The following LRP1B variants were observed in gnomAD, a reference collection of about 807,000 sequenced individuals.
The protein encoded by LRP1B is LDL receptor related protein 1B.
Under a neutral mutation model 556.6 loss-of-function variants are expected in LRP1B, and 217 were observed. That is an observed-to-expected ratio of 0.39 (90% CI 0.35 to 0.44). The LOEUF (loss-of-function observed/expected upper bound fraction) is 0.44. Among genes scored for constraint, LRP1B ranks in the 20% least tolerant of loss-of-function variants. The probability of loss-of-function intolerance (pLI) is 1.00; values close to 1 mark genes in which losing one functional copy is unlikely to be tolerated. For synonymous variants in LRP1B, 2,047 were observed against 1,865.8 expected (o/e 1.10, Z -2.50); for missense variants, 5,053 against 5,620.8 (o/e 0.90, Z 3.23).
At chr2:140,410,354 T>A (rs182112950) in intron 66 of LRP1B, among the ~76,000 whole-genome samples, 1 of 152,236 alleles carries the variant, frequency 6.6e-6, no homozygotes, top group Non-Finnish European at 1.5e-5. Flanking sequence ...TATTGATTTT[T>A]TTTTTTAGGA....
chr2:140,270,436 TTCA>T (rs1329744999), intron 85 of LRP1B, 90 bp from the exon 86 acceptor site: 2 of 857,632 alleles, frequency 2.3e-6, no homozygotes, highest in African/African-American at 1.7e-5. Context: ...GATGAGAATA[TTCA>T]TCATATAGGA....
In LRP1B at chr2:140,563,029, T is replaced by C. The variant is rs78000850; in HGVS notation, c.7195-21058A>G. On this transcript the variant is annotated intron_variant, in intron 43 of 90. Transcript: ENST00000389484. ...ATAACAATTCTAGGGTATAAGATGG[T>C]ACATATTTTTAATACCAGGAAACTG... 6.0e-3 allele frequency among the ~76,000 whole-genome samples: 920 copies of C among 152,286 alleles called. 8 individuals carry two copies. The highest frequency in any genetic ancestry group is 0.034 in the East Asian group (175 of 5,182).
intron 84 of LRP1B, among the ~76,000 whole-genome samples, chr2:140,288,412 A>T (rs981689817): frequency 6.6e-6 from 1 of 151,716 alleles, no homozygotes; most frequent in Non-Finnish European, 1.5e-5. Flanking sequence ...CTGACTCAGC[A>T]TTTTTTCAAA....
At chr2:140,608,998 A>G (rs1262179929) in intron 41 of LRP1B, among the ~76,000 whole-genome samples, 1 of 152,208 alleles carries the variant, frequency 6.6e-6, no homozygotes, top group Non-Finnish European at 1.5e-5. Flanking sequence ...CTGGAAGGAA[A>G]GTAATACAAG....
intron 2 of LRP1B, among the ~76,000 whole-genome samples, chr2:141,800,219 A>T (rs938863445): frequency 3.9e-5 from 6 of 152,150 alleles, no homozygotes; most frequent in Non-Finnish European, 7.3e-5. Context: ...GGTTGACTTG[A>T]GTGCAATGTG....
At chr2:141,965,798 CAAA>C (rs201872645) in intron 1 of LRP1B, among the ~76,000 whole-genome samples, 2 of 98,622 alleles carry the variant, frequency 2.0e-5, no homozygotes, top group Non-Finnish European at 4.2e-5. Context: ...AATATGTATC[CAAA>C]AAAAAAAAAA....
intron 3 of LRP1B, among the ~76,000 whole-genome samples, chr2:141,426,567 G>T (rs910134832): frequency 7.5e-6 from 1 of 132,584 alleles, no homozygotes; most frequent in African/African-American, 2.7e-5. Flanking sequence ...AGATCCACCT[G>T]AATATTTGAT....
chr2:141,353,174 T>C (rs910195223), intron 3 of LRP1B, among the ~76,000 whole-genome samples: 1 of 151,996 alleles, frequency 6.6e-6, no homozygotes, highest in Admixed American at 6.6e-5. Flanking sequence ...GTTGGGGTCA[T>C]AGGACTGGGT....
At chr2:140,985,263 G>A (rs1217473572) in intron 17 of LRP1B, among the ~76,000 whole-genome samples, 1 of 117,468 alleles carries the variant, frequency 8.5e-6, no homozygotes, top group African/African-American at 3.9e-5. Flanking sequence ...TTTAATCAAA[G>A]CATTCTACTT....
At chr2:141,007,999 CTTTAT>C (rs1005828052) in intron 14 of LRP1B, among the ~76,000 whole-genome samples, 3 of 151,330 alleles carry the variant, frequency 2.0e-5, no homozygotes, top group African/African-American at 4.8e-5. Flanking sequence ...GGGCTTAGAT[CTTTAT>C]TTTAATAGTG....
chr2:140,903,118 C>A lies in LRP1B; in HGVS notation c.3568G>T (p.Val1190Phe), dbSNP rs770295377. 7 of 1,613,484 alleles carry A rather than the reference C, an allele frequency of 4.3e-6. No homozygotes were observed. The highest frequency in any genetic ancestry group is 5.9e-6 in the Non-Finnish European group (7 of 1,179,656). ...NGGCSNHCSV[V>F]PGRGIVCSCP... ...GAACAGACAATTCCTCTTCCAGGAACAACAGAACAGTGGTTGCTACAGCCT... is the reference window on the plus strand; with the variant it reads ...GAACAGACAATTCCTCTTCCAGGAAAAACAGAACAGTGGTTGCTACAGCCT... The change falls in exon 23 of 91, where the codon GTT (valine) becomes TTT (phenylalanine). Residue 1190 changes from valine to phenylalanine, a missense_variant. By Grantham distance (50) the Val-to-Phe change is conservative (BLOSUM62 -1). Around this residue, in one of 5 missense-constraint regions of LRP1B, gnomAD observed 3,619 missense variants for 3,931.9 expected, o/e 0.92. Coordinates refer to ENST00000389484, the MANE Select transcript of LRP1B (RefSeq NM_018557.3).
chr2:140,931,383 T>C (rs537233677), intron 20 of LRP1B, among the ~76,000 whole-genome samples: 1 of 152,090 alleles, frequency 6.6e-6, no homozygotes, highest in African/African-American at 2.4e-5. Flanking sequence ...TTTACCTCCT[T>C]ATATGTAGTC....
At chr2:141,413,392 T>C (rs1690929733) in intron 3 of LRP1B, among the ~76,000 whole-genome samples, 1 of 151,934 alleles carries the variant, frequency 6.6e-6, no homozygotes, top group East Asian at 1.9e-4. Context: ...ACTTTGAAGA[T>C]GAAGGAATGA....
At chr2:141,823,832 ATATT>A (rs774815982) in intron 1 of LRP1B, among the ~76,000 whole-genome samples, 3 of 151,894 alleles carry the variant, frequency 2.0e-5, no homozygotes, top group Non-Finnish European at 2.9e-5. Flanking sequence ...CCATGTCAGG[ATATT>A]TATTTATTTA....
chr2:142,078,101 T>C (rs4267463), intron 1 of LRP1B, among the ~76,000 whole-genome samples: 22,881 of 152,040 alleles, frequency 0.15, 1,869 homozygotes, highest in Non-Finnish European at 0.19. Flanking sequence ...CTTTGTTCCC[T>C]ATCGCTTGCT....
At chr2:140,663,926 T>C (rs775063972) in intron 41 of LRP1B, among the ~76,000 whole-genome samples, 6 of 152,162 alleles carry the variant, frequency 3.9e-5, no homozygotes, top group Non-Finnish European at 7.3e-5. Flanking sequence ...TTGAGACTGC[T>C]GTAGGTTATT....
chr2:141,150,963 A>G (rs1701909493), intron 7 of LRP1B, among the ~76,000 whole-genome samples: 1 of 151,492 alleles, frequency 6.6e-6, no homozygotes, highest in African/African-American at 2.4e-5. Context: ...ACAAATATTT[A>G]TATGTCATCA....
At chr2:141,245,074 A>G (rs1684017656) in intron 5 of LRP1B, among the ~76,000 whole-genome samples, 1 of 152,194 alleles carries the variant, frequency 6.6e-6, no homozygotes, top group South Asian at 2.1e-4. Flanking sequence ...GGTCTATTAG[A>G]TTACACTCTC....
chr2:140,698,532 T>G (rs1686516209), intron 41 of LRP1B, among the ~76,000 whole-genome samples: 1 of 152,100 alleles, frequency 6.6e-6, no homozygotes, highest in Non-Finnish European at 1.5e-5. Flanking sequence ...AATATCCATC[T>G]TACTAAAAGA....
Sources: allele counts gnomAD v4.1 joint callset (sites outside exome capture counted in the v4.1 genomes callset), GRCh38; gene constraint gnomAD v4.1.1; regional missense constraint gnomAD v4.1.1; transcripts MANE v1.5; gene names NCBI Gene and HGNC (gene_info 2026-07-23, HGNC 2026-07-21).